The following NAA60 variants were observed in gnomAD, a reference collection of about 807,000 sequenced individuals.
NAA60 encodes the protein N-alpha-acetyltransferase 60, NatF catalytic subunit.
Under a neutral mutation model 26.1 loss-of-function variants are expected in NAA60, and 8 were observed. The ratio of observed to expected loss-of-function variants is 0.31; its 90% confidence interval spans 0.18 to 0.55. The LOEUF (loss-of-function observed/expected upper bound fraction) is 0.55. Among genes scored for constraint, NAA60 ranks in the 20% least tolerant of loss-of-function variants. The probability of loss-of-function intolerance (pLI) is 0.93; values close to 1 mark genes in which losing one functional copy is unlikely to be tolerated. For synonymous variants in NAA60, 131 were observed against 122.5 expected (o/e 1.07, Z -0.46); for missense variants, 290 against 311.3 (o/e 0.93, Z 0.51).
intron 1 of NAA60, among the ~76,000 whole-genome samples, chr16:3,446,577 TC>T (rs1201298246): frequency 6.7e-6 from 1 of 149,052 alleles, no homozygotes; most frequent in Non-Finnish European, 1.5e-5. Flanking sequence ...GGCAACACAT[TC>T]CTGTCACCCA....
chr16:3,449,645 A>G (rs189428966), intron 2 of NAA60, among the ~76,000 whole-genome samples: 1 of 152,294 alleles, frequency 6.6e-6, no homozygotes, highest in Non-Finnish European at 1.5e-5. Flanking sequence ...AGATCGCACC[A>G]CTGCACTCCA....
At chr16:3,477,342 TAAAC>T (rs1230752708) in intron 3 of NAA60, among the ~76,000 whole-genome samples, 1 of 152,150 alleles carries the variant, frequency 6.6e-6, no homozygotes, top group Non-Finnish European at 1.5e-5. Flanking sequence ...AAATGGAAAA[TAAAC>T]AAGATCTTGC....
intron 2 of NAA60, chr16:3,458,268 C>T (rs1299933225): frequency 2.3e-6 from 2 of 856,364 alleles, no homozygotes; most frequent in Non-Finnish European, 2.8e-6. Context: ...GCGCCGGGGT[C>T]AGGGGGGCCA....
At chr16:3,445,356 C>T (rs3848357) in intron 1 of NAA60, among the ~76,000 whole-genome samples, 64,097 of 150,056 alleles carry the variant, frequency 0.43, 15,645 homozygotes, top group East Asian at 0.64. Context: ...TCACTGCAAC[C>T]TCTGCCTCCG....
At chr16:3,463,074 C>G (rs536929120) in intron 2 of NAA60, among the ~76,000 whole-genome samples, 36 of 152,238 alleles carry the variant, frequency 2.4e-4, no homozygotes, top group African/African-American at 7.5e-4. Flanking sequence ...GTGTTTAGAA[C>G]ATTTATTTCC....
chr16:3,465,331 G>A (rs2035681496), intron 2 of NAA60, among the ~76,000 whole-genome samples: 1 of 151,976 alleles, frequency 6.6e-6, no homozygotes, highest in Non-Finnish European at 1.5e-5. Flanking sequence ...CAGCCACGGG[G>A]TCCCATCTTG....
rs199845048 is a variant in NAA60, at chr16:3,473,707, TTTGTTGTTG to T, written c.-6-2482_-6-2474del. Among the ~76,000 whole-genome samples, 1,135 of 145,904 alleles carry T rather than the reference TTTGTTGTTG, an allele frequency of 7.8e-3. 3 individuals are homozygous for T. The highest frequency in any genetic ancestry group is 0.02 in the African/African-American group (734 of 37,634). ...GAGCCACCATGCTTGGCCCCAGCTT[TTTGTTGTTG>T]TTGTTGTTGTTGTTGTTGTTGTTGT... On this transcript the variant is annotated intron_variant, in intron 2 of 7. Transcript: ENST00000407558.
At chr16:3,466,036 C>G (rs781751998) in intron 2 of NAA60, among the ~76,000 whole-genome samples, 3 of 152,342 alleles carry the variant, frequency 2.0e-5, no homozygotes, top group Non-Finnish European at 4.4e-5. Flanking sequence ...GTGTAATTAA[C>G]ATGCAGCCAA....
chr16:3,456,094 C>T lies in NAA60; in HGVS notation c.-7+7554C>T, dbSNP rs1035741737. On this transcript the variant is annotated intron_variant, in intron 2 of 7. Coordinates refer to ENST00000407558, the MANE Select transcript of NAA60 (RefSeq NM_001083601.3). ...GCTGTATTTAGAACCCTGGAAACAG[C>T]CGGGCACGGTCTCAAAACAAACACA... Among the ~76,000 whole-genome samples the T allele has an allele frequency of 3.9e-5, 6 of 152,310 alleles. No individual in the cohort carries two copies. In the East Asian group the frequency reaches 9.6e-4, roughly 24 times the overall value.
At chr16:3,485,394 A>T (rs1461731073) in intron 7 of NAA60, 73 bp from the exon 8 acceptor site, 1 of 465,988 alleles carries the variant, frequency 2.1e-6, no homozygotes, top group Admixed American at 2.3e-5. Flanking sequence ...TGTGTGGCCC[A>T]TAGGCAGGGT....
At chr16:3,479,648 G>T (rs750284656) in intron 4 of NAA60, 48 bp downstream of exon 4, 32 of 1,594,480 alleles carry the variant, frequency 2.0e-5, no homozygotes, top group Non-Finnish European at 2.7e-5. Flanking sequence ...GTCATTGGAC[G>T]GGCCAAGGGG....
At chr16:3,483,722 C>T in intron 6 of NAA60, 125 bp downstream of exon 6, 1 of 729,104 alleles carries the variant, frequency 1.4e-6, no homozygotes. Flanking sequence ...ATGGATGCTT[C>T]TCTCCCTTAC....
At chr16:3,477,958 G>A (rs981319792) in intron 3 of NAA60, among the ~76,000 whole-genome samples, 4 of 152,012 alleles carry the variant, frequency 2.6e-5, no homozygotes, top group Non-Finnish European at 2.9e-5. Context: ...CCAGCTACTC[G>A]GGAGGCTGAG....
intron 2 of NAA60, among the ~76,000 whole-genome samples, chr16:3,463,375 C>G (rs2035535439): frequency 6.7e-6 from 1 of 149,736 alleles, no homozygotes; most frequent in Admixed American, 6.6e-5. Context: ...TGGTGAAACC[C>G]CGTCTCTACA....
chr16:3,477,219 A>C (rs766348413), intron 3 of NAA60, among the ~76,000 whole-genome samples: 14 of 152,164 alleles, frequency 9.2e-5, no homozygotes, highest in Non-Finnish European at 1.9e-4. Context: ...GTGTTTCAGT[A>C]TTTGAGGTGG....
At chr16:3,474,680 G>A (rs889995651) in intron 2 of NAA60, among the ~76,000 whole-genome samples, 3 of 152,226 alleles carry the variant, frequency 2.0e-5, no homozygotes, top group South Asian at 2.1e-4. Flanking sequence ...AGTGAGTCCT[G>A]GGGGCCCAGG....
intron 1 of NAA60, chr16:3,447,574 A>T (rs1596278975): frequency 1.0e-6 from 1 of 985,356 alleles, no homozygotes; most frequent in Middle Eastern, 5.2e-4. Context: ...GTTGATACTG[A>T]TCGGAAACTG....
At chr16:3,480,812 A>T (rs1171959103) in intron 4 of NAA60, among the ~76,000 whole-genome samples, 1 of 152,172 alleles carries the variant, frequency 6.6e-6, no homozygotes, top group Non-Finnish European at 1.5e-5. Context: ...AGGCTGAGGC[A>T]CAAGAATCAC....
At chr16:3,484,532 C>T (rs1226400386) in intron 6 of NAA60, 167 bp from the exon 7 acceptor site, 5 of 865,410 alleles carry the variant, frequency 5.8e-6, no homozygotes, top group Admixed American at 2.7e-5. Context: ...GAGGCCACTT[C>T]GTCTCATGAG....
Sources: gnomAD v4.1 joint callset for allele counts (sites outside exome capture counted in the v4.1 genomes callset) on GRCh38, gnomAD v4.1.1 for gene constraint, MANE v1.5 for transcripts, NCBI Gene and HGNC (gene_info 2026-07-23, HGNC 2026-07-21) for gene names.